The following ARFGEF2 variants were observed in gnomAD, a reference collection of about 807,000 sequenced individuals.
ARFGEF2 encodes the protein brefeldin A-inhibited guanine nucleotide-exchange protein 2.
Under a neutral mutation model 219.9 loss-of-function variants are expected in ARFGEF2, and 74 were observed. That is an observed-to-expected ratio of 0.34 (90% CI 0.28 to 0.41). The LOEUF (loss-of-function observed/expected upper bound fraction) is 0.41. Ranked by LOEUF, ARFGEF2 falls within the 10% of genes least tolerant of loss-of-function variation. The pLI, the probability that ARFGEF2 is intolerant of heterozygous loss-of-function variation, is 1.00. For synonymous variants in ARFGEF2, 733 were observed against 799.2 expected, an observed-to-expected ratio of 0.92 and a Z score of 1.40; for missense variants, 1,743 against 2,218.3, an observed-to-expected ratio of 0.79 and a Z score of 4.30.
chr20:48,926,254 C>T (rs1266750265), intron 1 of ARFGEF2, among the ~76,000 whole-genome samples: 7 of 152,040 alleles, frequency 4.6e-5, no homozygotes, highest in African/African-American at 1.2e-4. Flanking sequence ...ATCAGTATAC[C>T]GCAGTGGAGT....
chr20:49,013,651 C>T lies in ARFGEF2; in HGVS notation c.4006C>T (p.Leu1336Phe). 1 of 1,614,190 alleles carries T rather than the reference C, an allele frequency of 6.2e-7. No homozygotes were observed. Among genetic ancestry groups the T allele is most frequent in the East Asian group, 2.2e-5 (1 of 44,890 alleles). ...VRGWFPILFE[L>F]SCIINRCKLD... ...AGGCTGGTTCCCCATCTTATTCGAA[C>T]TCTCCTGCATCATTAATAGATGCAA... Residue 1336 changes from leucine to phenylalanine, a missense_variant, in exon 29 of 39, where the codon CTC becomes TTC. Leu to Phe is a conservative substitution (Grantham distance 22, BLOSUM62 0). Around this residue, in one of 5 missense-constraint regions of ARFGEF2, gnomAD observed 578 missense variants for 664.0 expected, o/e 0.87. Coordinates refer to ENST00000371917, the MANE Select transcript of ARFGEF2 (RefSeq NM_006420.3).
At chr20:48,970,606 C>T (rs905058452) in intron 9 of ARFGEF2, among the ~76,000 whole-genome samples, 15 of 151,470 alleles carry the variant, frequency 9.9e-5, no homozygotes, top group African/African-American at 3.4e-4. Flanking sequence ...AGCAAAACTC[C>T]GTCTCAAAAA....
chr20:48,945,371 T>G (rs983309048), intron 3 of ARFGEF2, among the ~76,000 whole-genome samples: 1 of 152,146 alleles, frequency 6.6e-6, no homozygotes, highest in Non-Finnish European at 1.5e-5. Context: ...ATGTGTTCCT[T>G]TATGGAAAAA....
rs1600622536 is a variant in ARFGEF2 at position 48,971,334 on chromosome 20, C to A, written c.1405C>A (p.His469Asn). Residue 469 changes from histidine to asparagine, a missense_variant, in exon 10 of 39, where the codon CAC (histidine) becomes AAC (asparagine). This residue lies in a region of ARFGEF2 where 666 missense variants were observed against 955.4 expected (regional missense o/e 0.70). Coordinates refer to ENST00000371917, the MANE Select transcript of ARFGEF2 (RefSeq NM_006420.3). ...TACTCTTCTTTCAAACTTTAAAATG[C>A]ACTTGAAAATGCAGATAGAGGTACG... ...FLTLLSNFKM[H>N]LKMQIEVFFK... The A allele has an allele frequency of 6.2e-7, 1 of 1,614,074 alleles. No individual in the cohort carries two copies. The highest frequency in any genetic ancestry group is 2.2e-5 in the East Asian group (1 of 44,890).
rs2091088861 is a variant in ARFGEF2, at chr20:48,953,809, T to C, written c.838+19T>C. On this transcript the variant is annotated intron_variant, in intron 6 of 38. Coordinates refer to ENST00000371917, the MANE Select transcript of ARFGEF2 (RefSeq NM_006420.3). Reference sequence around the variant, plus strand: ...CTGTCAGGTACGGGCTGATACGGTATGGCTCTTTTTCCAAGTGTGAGAGGG... The same window carrying C: ...CTGTCAGGTACGGGCTGATACGGTACGGCTCTTTTTCCAAGTGTGAGAGGG... 3 of 1,609,236 alleles carry C rather than the reference T, an allele frequency of 1.9e-6. No homozygotes were observed. Among genetic ancestry groups the C allele is most frequent in the African/African-American group, 2.7e-5 (2 of 74,934 alleles).
intron 1 of ARFGEF2, among the ~76,000 whole-genome samples, chr20:48,936,761 A>T (rs1277777175): frequency 6.6e-6 from 1 of 152,162 alleles, no homozygotes; most frequent in Non-Finnish European, 1.5e-5. Context: ...TCCCTACCTC[A>T]GGTGATCTGC....
At chr20:48,945,726 A>G (rs2091021724) in intron 3 of ARFGEF2, among the ~76,000 whole-genome samples, 1 of 152,208 alleles carries the variant, frequency 6.6e-6, no homozygotes, top group African/African-American at 2.4e-5. Context: ...TAGCTGGGCC[A>G]TGTGGTGCAC....
intron 34 of ARFGEF2, among the ~76,000 whole-genome samples, chr20:49,021,346 T>C (rs1000165477): frequency 2.0e-5 from 3 of 152,070 alleles, no homozygotes; most frequent in Non-Finnish European, 4.4e-5. Context: ...ATCACTGAAA[T>C]ATTTAATGTT....
chr20:48,994,318 C>G, intron 21 of ARFGEF2, 133 bp from the exon 22 acceptor site: 1 of 1,081,506 alleles, frequency 9.2e-7, no homozygotes, highest in Non-Finnish European at 1.4e-6. Flanking sequence ...TGAGAGCTTA[C>G]TAAATTTGCA....
At chr20:48,954,927 A>G (rs1238225915) in intron 6 of ARFGEF2, among the ~76,000 whole-genome samples, 2 of 152,204 alleles carry the variant, frequency 1.3e-5, no homozygotes, top group Non-Finnish European at 2.9e-5. Context: ...TGTAACCCTT[A>G]TTAAGCTGTG....
chr20:49,026,614 C>A (rs2091605063), intron 36 of ARFGEF2, among the ~76,000 whole-genome samples: 1 of 133,066 alleles, frequency 7.5e-6, no homozygotes. Context: ...GAGGCAGAGT[C>A]TTACTCTGTT....
intron 18 of ARFGEF2, 61 bp downstream of exon 18, chr20:48,988,723 G>A (rs1452893802): frequency 1.4e-6 from 2 of 1,448,318 alleles, no homozygotes; most frequent in South Asian, 1.2e-5. Flanking sequence ...CAGAATGCAT[G>A]ATTAAATACT....
At chr20:48,933,856 A>T (rs189776760) in intron 1 of ARFGEF2, among the ~76,000 whole-genome samples, 3 of 152,230 alleles carry the variant, frequency 2.0e-5, no homozygotes, top group Admixed American at 1.3e-4. Flanking sequence ...GCGGTGGCTC[A>T]TGCCTGTAAT....
intron 1 of ARFGEF2, among the ~76,000 whole-genome samples, chr20:48,929,450 G>A (rs1021642947): frequency 1.2e-4 from 18 of 152,340 alleles, no homozygotes; most frequent in African/African-American, 4.1e-4. Flanking sequence ...CACCCCTGGT[G>A]TCATGATGCA....
intron 1 of ARFGEF2, among the ~76,000 whole-genome samples, chr20:48,925,213 A>C (rs931644215): frequency 6.6e-6 from 1 of 152,184 alleles, no homozygotes; most frequent in African/African-American, 2.4e-5. Flanking sequence ...CGCACTATAC[A>C]CCAAAAGCAT....
chr20:48,932,115 C>T (rs537238418), intron 1 of ARFGEF2, among the ~76,000 whole-genome samples: 1 of 152,022 alleles, frequency 6.6e-6, no homozygotes, highest in African/African-American at 2.4e-5. Context: ...GTGTGAAGTT[C>T]CTGAGAAGGC....
At chr20:48,986,389 G>A (rs918296350) in intron 16 of ARFGEF2, among the ~76,000 whole-genome samples, 2 of 152,140 alleles carry the variant, frequency 1.3e-5, no homozygotes, top group African/African-American at 4.8e-5. Context: ...AGCACTTTGG[G>A]AGGCCGGGAC....
chr20:49,033,362 C>A lies in ARFGEF2; in HGVS notation c.*163C>A. The A allele has an allele frequency of 2.7e-6, 2 of 730,478 alleles. No homozygotes were observed. Among genetic ancestry groups the A allele is most frequent in the South Asian group, 1.7e-5 (1 of 59,656 alleles). The allele number at this position is 730,478 out of a possible 1,614,324, so 45.2% of individuals were successfully genotyped here. The stretch of plus-strand genomic sequence containing the variant: ...TACGCTGTTCCATCACAGTCTCCAA[C>A]TAAGGCTTATGGTATTTCATTAAAC... On this transcript the variant is annotated 3_prime_UTR_variant, in exon 39 of 39. Coordinates refer to ENST00000371917, the MANE Select transcript of ARFGEF2 (RefSeq NM_006420.3).
At chr20:49,012,932 G>A (rs913152451) in intron 28 of ARFGEF2, among the ~76,000 whole-genome samples, 4 of 152,208 alleles carry the variant, frequency 2.6e-5, no homozygotes, top group Admixed American at 6.5e-5. Context: ...AGTGGTTACA[G>A]AGCAGAGGGG....
Sources: allele counts gnomAD v4.1 joint callset (sites outside exome capture counted in the v4.1 genomes callset), GRCh38; gene constraint gnomAD v4.1.1; regional missense constraint gnomAD v4.1.1; transcripts MANE v1.5; gene names NCBI Gene and HGNC (gene_info 2026-07-23, HGNC 2026-07-21).